Variants in PDE4D observed in about 807,000 individuals in gnomAD.
PDE4D encodes 3',5'-cyclic-AMP phosphodiesterase 4D.
A neutral mutation model predicts 87.4 loss-of-function variants in PDE4D; 24 were observed. The observed-to-expected ratio is 0.27, with a 90% CI of 0.20 to 0.39. The LOEUF (loss-of-function observed/expected upper bound fraction) is 0.39. Ranked by LOEUF, PDE4D falls within the 10% of genes least tolerant of loss-of-function variation. The pLI is 1.00. For synonymous variants in PDE4D, 384 were observed against 383.2 expected, an observed-to-expected ratio of 1.00 and a Z score of -0.02; for missense variants, 714 against 1,041.0, an observed-to-expected ratio of 0.69 and a Z score of 4.32.
intron 1 of PDE4D, among the ~76,000 whole-genome samples, chr5:60,359,350 G>A (rs1759872817): frequency 6.6e-6 from 1 of 152,234 alleles, no homozygotes; most frequent in African/African-American, 2.4e-5. Context: ...AGAGGCTACA[G>A]TGAGCTGGGA....
At chr5:60,265,018 C>A (rs1180920067) in intron 1 of PDE4D, among the ~76,000 whole-genome samples, 2 of 152,140 alleles carry the variant, frequency 1.3e-5, no homozygotes, top group African/African-American at 4.8e-5. Context: ...CGAGAGAGGG[C>A]AAGTGGTTGA....
At position 59,107,092 on chromosome 5, in the gene PDE4D, A is replaced by G. The variant is rs149536880; in HGVS notation, c.809-68121T>C. On this transcript the variant is annotated intron_variant, in intron 5 of 14. Transcript: ENST00000340635. ...ATCTTAGATAAGCAACTTAAAATCT[A>G]AAAGCAAGCTACATCTGTGTGTGTG... Among the ~76,000 whole-genome samples, 1,134 of 152,342 alleles carry G rather than the reference A, an allele frequency of 7.4e-3. 17 individuals carry two copies. Among genetic ancestry groups the G allele is most frequent in the East Asian group, 0.027 (139 of 5,190 alleles).
At chr5:59,441,267 A>T (rs1797575576) in intron 1 of PDE4D, among the ~76,000 whole-genome samples, 1 of 152,062 alleles carries the variant, frequency 6.6e-6, no homozygotes, top group Admixed American at 6.6e-5. Context: ...CTAATTTTTT[A>T]AAAATTTTTA....
At chr5:59,541,760 C>T (rs1561164345) in intron 1 of PDE4D, among the ~76,000 whole-genome samples, 1 of 152,236 alleles carries the variant, frequency 6.6e-6, no homozygotes, top group Admixed American at 6.5e-5. Context: ...TAGTTCTTTA[C>T]CTTCCCTTCA....
intron 1 of PDE4D, among the ~76,000 whole-genome samples, chr5:59,541,506 T>C (rs1816343143): frequency 6.6e-6 from 1 of 152,228 alleles, no homozygotes; most frequent in African/African-American, 2.4e-5. Context: ...ACAGTGTTCA[T>C]ATGAGTAAAA....
intron 3 of PDE4D, among the ~76,000 whole-genome samples, chr5:59,190,339 T>G (rs1003237016): frequency 1.3e-5 from 2 of 152,218 alleles, no homozygotes; most frequent in Admixed American, 6.5e-5. Context: ...TTTCTTTTTC[T>G]TATTATTTTT....
At chr5:60,078,560 C>T (rs1299670972) in intron 2 of PDE4D, among the ~76,000 whole-genome samples, 1 of 152,092 alleles carries the variant, frequency 6.6e-6, no homozygotes, top group African/African-American at 2.4e-5. Context: ...CAGAACAGGC[C>T]CTGGTGTGTG....
At chr5:59,422,773 C>A (rs1251379270) in intron 1 of PDE4D, among the ~76,000 whole-genome samples, 1 of 152,132 alleles carries the variant, frequency 6.6e-6, no homozygotes, top group East Asian at 1.9e-4. Flanking sequence ...AAGCGAGAGG[C>A]TGCATGGTTG....
At chr5:60,313,768 G>A (rs1216183819) in intron 1 of PDE4D, among the ~76,000 whole-genome samples, 1 of 152,148 alleles carries the variant, frequency 6.6e-6, no homozygotes, top group Non-Finnish European at 1.5e-5. Context: ...TTATCCCTGG[G>A]ATACAAAGTT....
At chr5:59,723,760 T>G (rs1756197988) in intron 1 of PDE4D, among the ~76,000 whole-genome samples, 1 of 152,166 alleles carries the variant, frequency 6.6e-6, no homozygotes, top group South Asian at 2.1e-4. Context: ...CGTAAGGAGT[T>G]GTCCAAACTA....
At chr5:60,346,199 A>G (rs963226705) in intron 1 of PDE4D, among the ~76,000 whole-genome samples, 5 of 152,124 alleles carry the variant, frequency 3.3e-5, no homozygotes, top group African/African-American at 1.2e-4. Context: ...AATGATGAAT[A>G]AGTTTTTCGT....
chr5:59,688,156 T>C (rs963397844), intron 1 of PDE4D, among the ~76,000 whole-genome samples: 1 of 152,130 alleles, frequency 6.6e-6, no homozygotes, highest in Non-Finnish European at 1.5e-5. Flanking sequence ...ATCGGATAGA[T>C]CAACGAGACA....
In PDE4D at chr5:59,300,027, G is replaced by A. The variant is rs111911324; in HGVS notation, c.456-84059C>T. On this transcript the variant is annotated intron_variant, in intron 1 of 14. Transcript: ENST00000340635. ...CTTGGGAGGCTGAGGCAGGAGAATC[G>A]CTTGAACTCAGGAGGTGGAGGTTGC... Among the ~76,000 whole-genome samples, 55 of 145,126 alleles carry A rather than the reference G, an allele frequency of 3.8e-4. 2 individuals carry two copies. Among genetic ancestry groups the A allele is most frequent in the African/African-American group, 1.4e-3 (53 of 39,210 alleles).
intron 1 of PDE4D, among the ~76,000 whole-genome samples, chr5:59,595,897 T>C (rs2153704759): frequency 6.6e-6 from 1 of 152,250 alleles, no homozygotes; most frequent in South Asian, 2.1e-4. Context: ...TAAGAAATTA[T>C]TCTTCCTACT....
chr5:60,381,308 G>A (rs1351205497), intron 1 of PDE4D, among the ~76,000 whole-genome samples: 2 of 152,140 alleles, frequency 1.3e-5, no homozygotes, highest in South Asian at 2.1e-4. Flanking sequence ...TATGTCACAC[G>A]GTATTGCTTG....
intron 1 of PDE4D, chr5:59,356,758 C>A: frequency 6.4e-7 from 1 of 1,571,562 alleles, no homozygotes; most frequent in Admixed American, 1.9e-5. Flanking sequence ...AGAGTAATAC[C>A]TGTAGGACTT....
chr5:59,787,538 A>G (rs981017167), intron 1 of PDE4D, among the ~76,000 whole-genome samples: 9 of 152,162 alleles, frequency 5.9e-5, no homozygotes, highest in Non-Finnish European at 1.5e-5. Flanking sequence ...TGTCTTTATT[A>G]TCATCTGTAA....
chr5:59,760,550 G>A (rs180977228), intron 1 of PDE4D, among the ~76,000 whole-genome samples: 13 of 152,100 alleles, frequency 8.5e-5, no homozygotes, highest in East Asian at 1.9e-4. Flanking sequence ...TCAGTGCATC[G>A]AGCACAGTAT....
At chr5:59,375,567 C>A (rs889135271) in intron 1 of PDE4D, among the ~76,000 whole-genome samples, 3 of 151,974 alleles carry the variant, frequency 2.0e-5, no homozygotes, top group Non-Finnish European at 2.9e-5. Flanking sequence ...ACCAAAAAAA[C>A]CCCAGGACCA....
Sources: gnomAD v4.1 joint callset for allele counts (sites outside exome capture counted in the v4.1 genomes callset) on GRCh38, gnomAD v4.1.1 for gene constraint, MANE v1.5 for transcripts, NCBI Gene and HGNC (gene_info 2026-07-23, HGNC 2026-07-21) for gene names.